The following TM4SF4 variants were observed in gnomAD, a reference collection of about 807,000 sequenced individuals.
The protein encoded by TM4SF4 is transmembrane 4 L6 family member 4.
A neutral mutation model predicts 24.1 loss-of-function variants in TM4SF4; 24 were observed. The observed-to-expected ratio is 1.00, with a 90% CI of 0.72 to 1.40. The LOEUF is 1.40. TM4SF4 is among the 40% of genes most tolerant of loss of function. TM4SF4 has a pLI of 0.00. For missense variants in TM4SF4, 254 were observed against 254.2 expected, an observed-to-expected ratio of 1.00 and a Z score of 0.01; for synonymous variants, 113 against 97.0, an observed-to-expected ratio of 1.17 and a Z score of -0.97.
chr3:149,477,970 C>T lies in TM4SF4; in HGVS notation c.264+2058C>T, dbSNP rs984360205. On this transcript the variant is annotated intron_variant, in intron 2 of 4. Transcript: ENST00000305354. ...TTCACACCTGGTGCTGAGTAAAAGG[C>T]TAAAGACTGGCTAATATAAAAATAA... is the stretch of plus-strand genomic sequence containing the variant. Among the ~76,000 whole-genome samples, 3 of 144,562 alleles carry T rather than the reference C, an allele frequency of 2.1e-5. No homozygotes were observed. The East Asian group carries it at 5.8e-4, about 28-fold the overall frequency. The allele number at this position is 144,562 out of a possible 152,430, so 94.8% of individuals were successfully genotyped here.
intron 2 of TM4SF4, among the ~76,000 whole-genome samples, chr3:149,485,510 T>C (rs1023227643): frequency 1.3e-5 from 2 of 152,230 alleles, no homozygotes; most frequent in African/African-American, 4.8e-5. Context: ...CCAGTGCCTT[T>C]GATAAGCTAG....
chr3:149,476,800 TTGTTTTTGTTTTTG>T (rs565076878), intron 2 of TM4SF4, among the ~76,000 whole-genome samples: 3,082 of 61,448 alleles, frequency 0.05, 87 homozygotes, highest in Non-Finnish European at 0.095. Flanking sequence ...CTGTTTTTTT[TTGTTTTTGTTTTTG>T]TTTTTTTTTT....
intron 3 of TM4SF4, among the ~76,000 whole-genome samples, chr3:149,490,183 C>T (rs956671669): frequency 2.0e-4 from 30 of 152,326 alleles, no homozygotes; most frequent in African/African-American, 6.3e-4. Context: ...GCCCAGGTTT[C>T]ACTGCACCCT....
intron 3 of TM4SF4, among the ~76,000 whole-genome samples, chr3:149,489,304 T>G (rs1173962846): frequency 6.6e-6 from 1 of 152,162 alleles, no homozygotes; most frequent in Non-Finnish European, 1.5e-5. Context: ...AAGCTACAGA[T>G]TATGTCTTTC....
Position 149,498,923 on chromosome 3 carries a change from C to T in TM4SF4, c.591+12C>T. The T allele has an allele frequency of 1.9e-6, 3 of 1,613,276 alleles. No individual in the cohort carries two copies. The highest frequency in any genetic ancestry group is 2.5e-6 in the Non-Finnish European group (3 of 1,179,464). ...GTGGCTGCTGTGGGGTAAGTTCAGG[C>T]TTTTGCTGTTTCTTCTCAGCATGAG... On this transcript the variant is annotated intron_variant, in intron 4 of 4. Coordinates refer to ENST00000305354, the MANE Select transcript of TM4SF4 (RefSeq NM_004617.4).
intron 2 of TM4SF4, among the ~76,000 whole-genome samples, chr3:149,486,853 A>G (rs1417180662): frequency 1.3e-5 from 2 of 152,218 alleles, no homozygotes; most frequent in Non-Finnish European, 2.9e-5. Flanking sequence ...ATGAGGGCCA[A>G]TGAGGAGGGG....
Position 149,475,888 on chromosome 3 carries a change from C to T in TM4SF4, c.240C>T (p.Asn80=), listed in dbSNP as rs752055353. 14 of 1,612,836 alleles carry T rather than the reference C, an allele frequency of 8.7e-6. No homozygotes were observed. The highest frequency in any genetic ancestry group is 6.7e-5 in the African/African-American group (5 of 74,878). ...KNNDCCGCCG[N]EGCGKRFAMF... is the part of the protein sequence containing the mutation. ...ATGACTGCTGTGGGTGCTGCGGCAA[C>T]GAGGGCTGTGGGAAGCGATTTGCGG... is the stretch of plus-strand genomic sequence containing the variant. Residue 80 remains asparagine (N), a synonymous_variant, in exon 2 of 5, where the codon AAC becomes AAT. Transcript: ENST00000305354.
At chr3:149,476,814 G>GTTTTTTTTTTTTTTTTTTTTTTT (rs67092416) in intron 2 of TM4SF4, among the ~76,000 whole-genome samples, 23 of 81,204 alleles carry the variant, frequency 2.8e-4, no homozygotes, top group Non-Finnish European at 4.0e-4. Flanking sequence ...TTTTGTTTTT[G>GTTTTTTTTTTTTTTTTTTTTTTT]TTTTTTTTTT....
At chr3:149,476,747 A>G (rs907474103) in intron 2 of TM4SF4, among the ~76,000 whole-genome samples, 2 of 151,990 alleles carry the variant, frequency 1.3e-5, no homozygotes, top group Admixed American at 6.5e-5. Context: ...CTATCAAGAA[A>G]AAGATCTTAT....
At chr3:149,495,518 G>A in intron 3 of TM4SF4, 2 of 408,062 alleles carry the variant, frequency 4.9e-6, no homozygotes, top group Non-Finnish European at 9.7e-6. Context: ...AATGCACCAT[G>A]TTGCAAGCTC....
chr3:149,488,618 C>T (rs1017219443), intron 3 of TM4SF4, among the ~76,000 whole-genome samples: 6 of 152,158 alleles, frequency 3.9e-5, no homozygotes, highest in Admixed American at 1.3e-4. Flanking sequence ...TCACACTAGC[C>T]ATATTTCAAG....
chr3:149,475,926 G>C lies in TM4SF4; in HGVS notation c.264+14G>C. 1 of 1,603,826 alleles carries C rather than the reference G, an allele frequency of 6.2e-7. No homozygotes were observed. Among genetic ancestry groups the C allele is most frequent in the Non-Finnish European group, 8.5e-7 (1 of 1,174,126 alleles). Reference sequence around the variant, plus strand: ...AAGCGATTTGCGGTGAGTTACCATGGGGGGCAGCTACTAGAATTACTCCAG... The same window carrying C: ...AAGCGATTTGCGGTGAGTTACCATGCGGGGCAGCTACTAGAATTACTCCAG... On this transcript the variant is annotated intron_variant, in intron 2 of 4. Coordinates refer to ENST00000305354, the MANE Select transcript of TM4SF4 (RefSeq NM_004617.4).
chr3:149,495,332 G>A (rs1327351497), intron 3 of TM4SF4: 1 of 294,764 alleles, frequency 3.4e-6, no homozygotes, highest in Non-Finnish European at 7.0e-6. Context: ...CTGCTTGAAG[G>A]TCTGGACTGT....
chr3:149,487,513 C>A, intron 2 of TM4SF4, 106 bp from the exon 3 acceptor site: 2 of 1,409,998 alleles, frequency 1.4e-6, no homozygotes, highest in Non-Finnish European at 2.0e-6. Flanking sequence ...GCTCCTACTC[C>A]ATAACTTCTT....
chr3:149,497,112 A>T (rs924929583), intron 3 of TM4SF4, among the ~76,000 whole-genome samples: 13 of 152,238 alleles, frequency 8.5e-5, no homozygotes, highest in African/African-American at 3.1e-4. Flanking sequence ...ACCCGGGTAC[A>T]TCTGAATCCA....
At chr3:149,482,920 A>G (rs1347857030) in intron 2 of TM4SF4, among the ~76,000 whole-genome samples, 1 of 152,328 alleles carries the variant, frequency 6.6e-6, no homozygotes, top group Admixed American at 6.5e-5. Context: ...TTGACTGATC[A>G]TATCTCTAAG....
chr3:149,482,463 C>T (rs1209974428), intron 2 of TM4SF4, among the ~76,000 whole-genome samples: 1 of 152,212 alleles, frequency 6.6e-6, no homozygotes, highest in Non-Finnish European at 1.5e-5. Context: ...AGAGATATCC[C>T]AGGACTTTTG....
At chr3:149,475,157 A>G in intron 1 of TM4SF4, 106 bp downstream of exon 1, 1 of 1,262,954 alleles carries the variant, frequency 7.9e-7, no homozygotes, top group Non-Finnish European at 1.1e-6. Flanking sequence ...TGGTAATAGA[A>G]GCTCAAGCAT....
intron 3 of TM4SF4, among the ~76,000 whole-genome samples, 186 bp from the exon 4 acceptor site, chr3:149,498,536 A>C (rs1734356157): frequency 6.6e-6 from 1 of 152,250 alleles, no homozygotes; most frequent in South Asian, 2.1e-4. Flanking sequence ...AGGGTCTGGC[A>C]CACAGGGTGT....
Sources: gnomAD v4.1 joint callset for allele counts (sites outside exome capture counted in the v4.1 genomes callset) on GRCh38, gnomAD v4.1.1 for gene constraint, MANE v1.5 for transcripts, NCBI Gene and HGNC (gene_info 2026-07-23, HGNC 2026-07-21) for gene names.